The following PRKCH variants were observed in gnomAD, a reference collection of about 807,000 sequenced individuals.
The protein encoded by PRKCH is protein kinase C eta type.
Under a neutral mutation model 82.5 loss-of-function variants are expected in PRKCH, and 28 were observed. The observed-to-expected ratio is 0.34, with a 90% CI of 0.25 to 0.47. The LOEUF is 0.47. Ranked by LOEUF, PRKCH falls within the 20% of genes least tolerant of loss-of-function variation. The pLI is 1.00. For synonymous variants in PRKCH, 322 were observed against 327.4 expected, an observed-to-expected ratio of 0.98 and a Z score of 0.18; for missense variants, 705 against 881.8, an observed-to-expected ratio of 0.80 and a Z score of 2.54.
intron 9 of PRKCH, among the ~76,000 whole-genome samples, chr14:61,484,764 C>CTTT (rs375542490): frequency 0.012 from 1,495 of 121,196 alleles, 53 homozygotes; most frequent in African/African-American, 0.043. Flanking sequence ...ATTTGGCTTC[C>CTTT]TTTTTTTTTT....
At chr14:61,445,626 C>A in intron 3 of PRKCH, 66 bp from the exon 4 acceptor site, 3 of 1,425,022 alleles carry the variant, frequency 2.1e-6, no homozygotes, top group Non-Finnish European at 3.0e-6. Context: ...ATTTGTTTTC[C>A]TTAAGGACTA....
intron 1 of PRKCH, among the ~76,000 whole-genome samples, chr14:61,337,847 A>G (rs2045879252): frequency 6.6e-6 from 1 of 152,236 alleles, no homozygotes; most frequent in Non-Finnish European, 1.5e-5. Flanking sequence ...TATATACAAT[A>G]TTTCAGAACA....
chr14:61,237,325 T>G (rs55744317), intron 1 of PRKCH, among the ~76,000 whole-genome samples: 265 of 151,706 alleles, frequency 1.7e-3, no homozygotes, highest in Non-Finnish European at 2.6e-3. Context: ...TAAAAGAAAT[T>G]GAAGTATTTT....
chr14:61,353,205 A>G (rs1164670279), intron 1 of PRKCH, among the ~76,000 whole-genome samples: 1 of 152,226 alleles, frequency 6.6e-6, no homozygotes, highest in Non-Finnish European at 1.5e-5. Flanking sequence ...AGCATCGAGC[A>G]CTTAGCAATA....
At chr14:61,368,664 A>T (rs1033549284) in intron 1 of PRKCH, among the ~76,000 whole-genome samples, 2 of 152,124 alleles carry the variant, frequency 1.3e-5, no homozygotes, top group African/African-American at 4.8e-5. Context: ...GCGGAGCTAA[A>T]GTGGGCTGCT....
At chr14:61,329,361 C>CA (rs1479198281) in intron 1 of PRKCH, among the ~76,000 whole-genome samples, 1 of 150,840 alleles carries the variant, frequency 6.6e-6, no homozygotes, top group Non-Finnish European at 1.5e-5. Flanking sequence ...CTCAGCCTCT[C>CA]AGTAGCTGGG....
At chr14:61,264,657 C>G (rs1373444151) in intron 1 of PRKCH, among the ~76,000 whole-genome samples, 1 of 152,116 alleles carries the variant, frequency 6.6e-6, no homozygotes. Flanking sequence ...GATTTAGTGA[C>G]CTGTACAGGT....
Position 61,549,719 on chromosome 14 carries a change from ACT to A in PRKCH, c.1941_1942del (p.Phe648HisfsTer11). 6.2e-7 allele frequency: 1 copy of A among 1,613,508 alleles called. No homozygotes were observed. Among genetic ancestry groups the A allele is most frequent in the Non-Finnish European group, 8.5e-7 (1 of 1,179,950 alleles). ...GAAGATGTCAGTAATTTTGACCCTG[ACT>A]TCATAAAGGAAGAGCCAGTTTTAAC... is the stretch of plus-strand genomic sequence containing the variant. On this transcript the variant is annotated frameshift_variant, in exon 14 of 14. Transcript: ENST00000332981. LOFTEE classifies it high-confidence loss of function.
intron 2 of PRKCH, among the ~76,000 whole-genome samples, chr14:61,398,521 G>T (rs2046817701): frequency 6.6e-6 from 1 of 152,144 alleles, no homozygotes; most frequent in African/African-American, 2.4e-5. Context: ...AGTTTGCTTG[G>T]ACTCAGGGAA....
chr14:61,206,292 G>C (rs1240306117), intron 1 of PRKCH, among the ~76,000 whole-genome samples: 1 of 152,190 alleles, frequency 6.6e-6, no homozygotes, highest in Admixed American at 6.5e-5. Context: ...GAAGGCTCTA[G>C]GGAAGAAGGC....
intron 1 of PRKCH, among the ~76,000 whole-genome samples, chr14:61,200,032 A>G (rs1026344520): frequency 6.6e-6 from 1 of 152,206 alleles, no homozygotes; most frequent in Non-Finnish European, 1.5e-5. Flanking sequence ...ATTGAATTTC[A>G]TATCGTATCC....
At chr14:61,356,121 A>G (rs536572051) in intron 1 of PRKCH, among the ~76,000 whole-genome samples, 2 of 152,122 alleles carry the variant, frequency 1.3e-5, no homozygotes, top group East Asian at 3.9e-4. Context: ...AAAGATGACA[A>G]CTCATCCAGG....
intron 1 of PRKCH, chr14:61,281,256 C>G: frequency 1.6e-6 from 1 of 611,372 alleles, no homozygotes; most frequent in East Asian, 3.9e-5. Flanking sequence ...GGTCGGGTTT[C>G]CCGCCAGCTC....
At chr14:61,218,244 A>AT (rs2044628445) in intron 1 of PRKCH, among the ~76,000 whole-genome samples, 1 of 152,140 alleles carries the variant, frequency 6.6e-6, no homozygotes, top group African/African-American at 2.4e-5. Flanking sequence ...TCTTCTTCCC[A>AT]TGCTGTCGGC....
At chr14:61,516,330 T>A (rs1393217393) in intron 10 of PRKCH, among the ~76,000 whole-genome samples, 1 of 152,164 alleles carries the variant, frequency 6.6e-6, no homozygotes, top group African/African-American at 2.4e-5. Context: ...ATCTGCTACT[T>A]TTGCTAGCAT....
Position 61,262,314 on chromosome 14 carries a change from A to G in PRKCH, c.-19+74646A>G, listed in dbSNP as rs540519323. Among the ~76,000 whole-genome samples the G allele has an allele frequency of 4.6e-5, 7 of 152,280 alleles. No individual in the cohort carries two copies. In the East Asian group the frequency reaches 1.3e-3, roughly 29 times the overall value. The stretch of plus-strand genomic sequence containing the variant: ...CCATTCATAGTAGAAAGGAAGGATA[A>G]TCAAGTTGCATATTCATACAACAAA... On this transcript the variant is annotated intron_variant, in intron 1 of 3. Coordinates refer to the PRKCH transcript ENST00000555185.
At chr14:61,401,917 C>A (rs1234616779) in intron 2 of PRKCH, among the ~76,000 whole-genome samples, 1 of 152,212 alleles carries the variant, frequency 6.6e-6, no homozygotes, top group Non-Finnish European at 1.5e-5. Flanking sequence ...GTGGAACTGG[C>A]AGATTTTTCA....
intron 1 of PRKCH, among the ~76,000 whole-genome samples, chr14:61,355,121 T>G (rs1376487213): frequency 1.3e-5 from 2 of 152,206 alleles, no homozygotes; most frequent in Non-Finnish European, 2.9e-5. Flanking sequence ...CTTTTCCTCC[T>G]TTACAGTGAA....
At chr14:61,215,397 C>A (rs767781623) in intron 1 of PRKCH, among the ~76,000 whole-genome samples, 4 of 152,088 alleles carry the variant, frequency 2.6e-5, no homozygotes, top group Non-Finnish European at 4.4e-5. Flanking sequence ...GCTGGCCTGC[C>A]CTGTGGATTT....
Sources: allele counts gnomAD v4.1 joint callset (sites outside exome capture counted in the v4.1 genomes callset), GRCh38; gene constraint gnomAD v4.1.1; transcripts MANE v1.5; gene names NCBI Gene and HGNC (gene_info 2026-07-23, HGNC 2026-07-21).